Variants in SPATA31H1 observed in about 807,000 individuals in gnomAD.
SPATA31H1 encodes the protein spermatogenesis-associated protein 31H1.
chr2:27,579,220 G>A, the SPATA31H1 span: 53 of 1,614,138 alleles, frequency 3.3e-5, no homozygotes, highest in African/African-American at 3.3e-4. Flanking sequence ...TGGAGGCAGC[G>A]ACTACCAAGA....
At chr2:27,581,685 C>G in the SPATA31H1 span, 2 of 1,613,024 alleles carry the variant, frequency 1.2e-6, no homozygotes, top group Non-Finnish European at 1.7e-6. Context: ...CCATCGTGGT[C>G]CCTCTGAGAG....
the SPATA31H1 span, among the ~76,000 whole-genome samples, chr2:27,542,663 G>A: frequency 5.3e-5 from 8 of 151,794 alleles, no homozygotes; most frequent in Admixed American, 2.6e-4. Flanking sequence ...TTTTTTCTCA[G>A]AAACATCTCT....
the SPATA31H1 span, chr2:27,578,580 T>C: frequency 6.2e-7 from 1 of 1,613,890 alleles, no homozygotes; most frequent in Non-Finnish European, 8.5e-7. Flanking sequence ...AACATCTCCA[T>C]TTGAGGAACA....
chr2:27,539,030 A>T, the SPATA31H1 span, among the ~76,000 whole-genome samples: 1 of 151,888 alleles, frequency 6.6e-6, no homozygotes, highest in Non-Finnish European at 1.5e-5. Context: ...ACTCCCTTGC[A>T]AAGGAGGGAG....
the SPATA31H1 span, among the ~76,000 whole-genome samples, chr2:27,551,442 C>T: frequency 2.0e-5 from 3 of 151,942 alleles, no homozygotes; most frequent in Admixed American, 1.3e-4. Context: ...TGGGACAAAA[C>T]CAGATTATTC....
At chr2:27,579,499 G>A in the SPATA31H1 span, 30 of 1,614,090 alleles carry the variant, frequency 1.9e-5, no homozygotes, top group Non-Finnish European at 2.5e-5. Context: ...ATGGCCTTAA[G>A]GATATGGACA....
the SPATA31H1 span, chr2:27,579,879 C>T: frequency 6.8e-6 from 11 of 1,614,106 alleles, no homozygotes; most frequent in South Asian, 3.3e-5. Context: ...GAGTCAAATA[C>T]CCCCCGATGT....
chr2:27,564,180 T>C, the SPATA31H1 span, among the ~76,000 whole-genome samples: 1 of 152,246 alleles, frequency 6.6e-6, no homozygotes, highest in Non-Finnish European at 1.5e-5. Flanking sequence ...GATAGACTCA[T>C]GGTTAAAATT....
the SPATA31H1 span, among the ~76,000 whole-genome samples, chr2:27,539,124 T>TTTTTTTG: frequency 7.5e-6 from 1 of 132,520 alleles, no homozygotes; most frequent in African/African-American, 3.5e-5. Context: ...TTTTTTTTTT[T>TTTTTTTG]TTAATTGATC....
the SPATA31H1 span, chr2:27,578,879 C>A: frequency 4.3e-6 from 7 of 1,614,046 alleles, no homozygotes; most frequent in African/African-American, 9.3e-5. Flanking sequence ...ATATAAAAAA[C>A]CCTGGGACAG....
the SPATA31H1 span, chr2:27,574,910 G>A: frequency 2.3e-4 from 93 of 398,442 alleles, no homozygotes; most frequent in East Asian, 3.1e-3. Context: ...TGATCCCAGC[G>A]ACAAAGCTTC....
the SPATA31H1 span, chr2:27,580,875 T>C: frequency 1.9e-6 from 3 of 1,614,104 alleles, no homozygotes; most frequent in South Asian, 3.3e-5. Context: ...AACGGTCCAG[T>C]GCAGATCAGC....
At chr2:27,547,950 TATC>T in the SPATA31H1 span, among the ~76,000 whole-genome samples, 4 of 151,048 alleles carry the variant, frequency 2.6e-5, no homozygotes, top group Admixed American at 6.6e-5. Flanking sequence ...ACAATACCAT[TATC>T]ATGCCAAAAA....
At chr2:27,582,586 G>C in the SPATA31H1 span, 1 of 1,490,450 alleles carries the variant, frequency 6.7e-7, no homozygotes, top group Non-Finnish European at 9.0e-7. Context: ...CCCTTTCCAG[G>C]CTTCTTTCCT....
chr2:27,579,241 C>T, the SPATA31H1 span: 1 of 1,614,166 alleles, frequency 6.2e-7, no homozygotes. Flanking sequence ...AAATATCTCT[C>T]CACTATGCTA....
At chr2:27,565,954 T>A in the SPATA31H1 span, 10 of 707,334 alleles carry the variant, frequency 1.4e-5, no homozygotes, top group East Asian at 2.4e-4. Flanking sequence ...TTCATCTTTG[T>A]TTCCTTATTT....
the SPATA31H1 span, chr2:27,579,826 T>C: frequency 3.5e-5 from 57 of 1,614,100 alleles, no homozygotes; most frequent in Non-Finnish European, 4.7e-5. Context: ...CAGTTCCAGT[T>C]GCTAGAAGAT....
At chr2:27,568,024 G>C in the SPATA31H1 span, 1 of 398,970 alleles carries the variant, frequency 2.5e-6, no homozygotes, top group Non-Finnish European at 4.4e-6. Context: ...GCAGCCCCAA[G>C]GTCTCAGCAC....
the SPATA31H1 span, among the ~76,000 whole-genome samples, chr2:27,548,429 GA>G: frequency 1.3e-5 from 2 of 151,590 alleles, no homozygotes; most frequent in African/African-American, 4.9e-5. Context: ...GCAACATGGT[GA>G]AACCCTGACT....
Sources: gnomAD v4.1 joint callset for allele counts (sites outside exome capture counted in the v4.1 genomes callset) on GRCh38, gnomAD v4.1.1 for gene constraint, MANE v1.5 for transcripts, NCBI Gene and HGNC (gene_info 2026-07-23, HGNC 2026-07-21) for gene names.